CTDP1: variants seen among roughly 807,000 people sequenced by gnomAD.
The protein encoded by CTDP1 is RNA polymerase II subunit A C-terminal domain phosphatase.
In CTDP1, 47 loss-of-function variants were observed where a neutral mutation model predicts 91.8. The ratio of observed to expected loss-of-function variants is 0.51; its 90% CI spans 0.41 to 0.65. The LOEUF is 0.65. CTDP1 is among the 30% of genes least tolerant of loss of function. The probability of loss-of-function intolerance (pLI) is 0.00; values close to 1 mark genes in which losing one functional copy is unlikely to be tolerated. For missense variants in CTDP1, 1,272 were observed against 1,373.7 expected (o/e 0.93, Z 1.17); for synonymous variants, 656 against 598.5 (o/e 1.10, Z -1.40).
At chr18:79,750,585 C>G (rs373786011) in intron 12 of CTDP1, among the ~76,000 whole-genome samples, 3 of 151,786 alleles carry the variant, frequency 2.0e-5, no homozygotes, top group East Asian at 3.9e-4. Flanking sequence ...CTTCCGCCTC[C>G]CGGGTTCAAA....
At chr18:79,736,635 G>A in intron 12 of CTDP1, 114 bp downstream of exon 12, 3 of 1,124,546 alleles carry the variant, frequency 2.7e-6, no homozygotes, top group Non-Finnish European at 3.7e-6. Context: ...CATTCTGTGT[G>A]TGACACCAGC....
rs148352897 is a variant in CTDP1 at position 79,710,353 on chromosome 18, A to G, written c.780A>G (p.Leu260=). 340 of 1,613,590 alleles carry G rather than the reference A, an allele frequency of 2.1e-4. 1 individual carries two copies. In the African/African-American group the frequency reaches 3.7e-3, roughly 17 times the overall value. ...CCTGTTTTCTTTTCCAAGGCTTTTTAGACCCCGAGAAGAAGCTTTTTTCTC... is the reference window on the plus strand; with the variant it reads ...CCTGTTTTCTTTTCCAAGGCTTTTTGGACCCCGAGAAGAAGCTTTTTTCTC... ...RLYAHTIAGF[L]DPEKKLFSHR... is the part of the protein sequence containing the mutation. The change falls in exon 6 of 13, where the codon TTA becomes TTG. Residue 260 remains leucine, a synonymous_variant. Transcript: ENST00000613122.
chr18:79,710,793 G>A (rs1343507491), intron 6 of CTDP1, among the ~76,000 whole-genome samples: 6 of 141,656 alleles, frequency 4.2e-5, no homozygotes, highest in Non-Finnish European at 6.0e-5. Context: ...TGATCTTCCC[G>A]CCTCAGCCTC....
In CTDP1 at chr18:79,753,908, C is replaced by A; in HGVS notation, c.*118C>A. 7.6e-7 allele frequency: 1 copy of A among 1,321,466 alleles called. No individual in the cohort carries two copies. The highest frequency in any genetic ancestry group is 1.1e-6 in the Non-Finnish European group (1 of 948,358). The allele number at this position is 1,321,466 out of a possible 1,614,324, so 81.9% of individuals were successfully genotyped here. A position where few individuals can be genotyped will look rare whatever the true frequency, so the allele number is the denominator to read the frequency against. ...TCTTCCCAAAGGACATGTATATTTG[C>A]AGAGCTCCACATACAGAAACACATT... On this transcript the variant is annotated 3_prime_UTR_variant, in exon 13 of 13. Transcript: ENST00000613122.
At chr18:79,686,619 T>G (rs2085499666) in intron 1 of CTDP1, among the ~76,000 whole-genome samples, 1 of 152,258 alleles carries the variant, frequency 6.6e-6, no homozygotes, top group South Asian at 2.1e-4. Flanking sequence ...GTAACATTTT[T>G]GAAGTAGCGT....
rs1224499659 is a variant in CTDP1, at chr18:79,751,028, C to T, written c.2748-2624C>T. 3.8e-5 allele frequency among the ~76,000 whole-genome samples: 3 copies of T among 79,898 alleles called. 1 individual carries two copies. Among genetic ancestry groups the T allele is most frequent in the African/African-American group, 5.0e-5 (1 of 19,816 alleles). The allele number at this position is 79,898 out of a possible 152,430, so 52.4% of individuals were successfully genotyped here. ...GGCTGGGGAAGGAGGCACTGGGCGC[C>T]GAGGGCAGGTCAGGGAGGGAGGGAG... is the stretch of plus-strand genomic sequence containing the variant. On this transcript the variant is annotated intron_variant, in intron 12 of 12. Transcript: ENST00000613122.
intron 4 of CTDP1, among the ~76,000 whole-genome samples, chr18:79,700,979 C>T (rs1338121567): frequency 1.3e-5 from 2 of 152,224 alleles, no homozygotes. Context: ...TGGATGACAG[C>T]ACCTCTGTTC....
rs577940911 is a variant in CTDP1, at chr18:79,713,779, G to A, written c.1030+641G>A. On this transcript the variant is annotated intron_variant, in intron 7 of 12. Coordinates refer to ENST00000613122, the MANE Select transcript of CTDP1 (RefSeq NM_004715.5). The surrounding 1 kb of genome is among the most constrained non-coding windows in gnomAD (Gnocchi z 4.7). ...CTTTCACCAGATGGGTGGGGTCAGC[G>A]TGGAGTTGCTGACTTCCTCCAGACC... is the stretch of plus-strand genomic sequence containing the variant. 6.4e-4 allele frequency among the ~76,000 whole-genome samples: 98 copies of A among 152,308 alleles called. No individual in the cohort carries two copies. Among genetic ancestry groups the A allele is most frequent in the African/African-American group, 2.2e-3 (92 of 41,574 alleles).
intron 11 of CTDP1, among the ~76,000 whole-genome samples, chr18:79,730,569 C>A (rs968876218): frequency 6.6e-6 from 1 of 152,206 alleles, no homozygotes; most frequent in Admixed American, 6.5e-5. Flanking sequence ...TAATCGTAAC[C>A]CCCCAGATGT....
upstream of CTDP1, chr18:79,677,583 G>A (rs905253236): frequency 2.0e-5 from 3 of 152,292 alleles, no homozygotes; most frequent in African/African-American, 7.2e-5. Context: ...AAACCTATAG[G>A]CTAAACTTAC....
chr18:79,685,250 G>A (rs908537592), intron 1 of CTDP1: 11 of 152,204 alleles, frequency 7.2e-5, no homozygotes, highest in Non-Finnish European at 1.3e-4. Context: ...TTTATGTGGA[G>A]TACAATTATT....
intron 3 of CTDP1, among the ~76,000 whole-genome samples, chr18:79,697,542 A>G (rs2085772051): frequency 6.6e-6 from 1 of 152,218 alleles, no homozygotes. Context: ...TGGTTTCTTC[A>G]TTAATTTTGC....
chr18:79,722,988 G>A (rs545052346), intron 10 of CTDP1, among the ~76,000 whole-genome samples: 1 of 152,192 alleles, frequency 6.6e-6, no homozygotes. Flanking sequence ...GCTTGTCTGA[G>A]TTCATGTGGC....
chr18:79,687,652 G>T (rs61118874), intron 1 of CTDP1, among the ~76,000 whole-genome samples: 137 of 121,158 alleles, frequency 1.1e-3, no homozygotes, highest in African/African-American at 1.7e-3. Flanking sequence ...AGTTGGCTTC[G>T]CCAGTTCACT....
chr18:79,745,010 A>G (rs2086851136), intron 12 of CTDP1, among the ~76,000 whole-genome samples: 2 of 152,206 alleles, frequency 1.3e-5, no homozygotes, highest in African/African-American at 2.4e-5. Flanking sequence ...GTCCATGGCC[A>G]GCTGGCTCTC....
intron 10 of CTDP1, among the ~76,000 whole-genome samples, chr18:79,725,122 T>C (rs2086419498): frequency 6.6e-6 from 1 of 152,228 alleles, no homozygotes; most frequent in African/African-American, 2.4e-5. Context: ...TTTTTGGACA[T>C]GAAAACAACC....
At position 79,701,774 on chromosome 18, in the gene CTDP1, C is replaced by T. The variant is rs147646222; in HGVS notation, c.622-2993C>T. On this transcript the variant is annotated intron_variant, in intron 4 of 12. Transcript: ENST00000613122. ...AAGATGTCGATTCCAACCCTCAGTTCGGAAGATGTTGATTCTGACCTTCAT... is the reference window on the plus strand; with the variant it reads ...AAGATGTCGATTCCAACCCTCAGTTTGGAAGATGTTGATTCTGACCTTCAT... Among the ~76,000 whole-genome samples the T allele has an allele frequency of 3.9e-4, 60 of 152,204 alleles. No homozygotes were observed. The East Asian group carries it at 6.6e-3, about 17-fold the overall frequency.
At chr18:79,717,384 C>T in intron 8 of CTDP1, 151 bp from the exon 9 acceptor site, 1 of 1,100,614 alleles carries the variant, frequency 9.1e-7, no homozygotes, top group Admixed American at 2.0e-5. Flanking sequence ...GGGGTGCAGT[C>T]AGGTGAAGGC....
chr18:79,680,629 C>T (rs2085343918), intron 1 of CTDP1, among the ~76,000 whole-genome samples: 1 of 152,230 alleles, frequency 6.6e-6, no homozygotes, highest in South Asian at 2.1e-4. Context: ...AGGCTCCAGA[C>T]CTGTTATTGA....
Sources: allele counts gnomAD v4.1 joint callset (sites outside exome capture counted in the v4.1 genomes callset), GRCh38; gene constraint gnomAD v4.1.1; non-coding constraint Gnocchi (gnomAD v3.1); transcripts MANE v1.5; gene names NCBI Gene and HGNC (gene_info 2026-07-23, HGNC 2026-07-21).